Variants in MSANTD1 observed in about 807,000 individuals in gnomAD.
The protein encoded by MSANTD1 is myb/SANT-like DNA-binding domain-containing protein 1.
Under a neutral mutation model 24.2 loss-of-function variants are expected in MSANTD1, and 7 were observed. That is an observed-to-expected ratio of 0.29 (90% CI 0.16 to 0.54). MSANTD1 has a LOEUF of 0.54. Among genes scored for constraint, MSANTD1 ranks in the 20% least tolerant of loss-of-function variants. The probability of loss-of-function intolerance (pLI) is 0.94; values close to 1 mark genes in which losing one functional copy is unlikely to be tolerated. For missense variants in MSANTD1, 384 were observed against 408.2 expected (o/e 0.94, Z 0.51); for synonymous variants, 177 against 181.1 (o/e 0.98, Z 0.18).
rs201859616 is a variant in MSANTD1 at position 3,253,399 on chromosome 4, C to T, written c.513C>T (p.Phe171=). ...SPPAKSTPLY[F]PYNQCSYEGR... ...CCGCTAAGTCCACCCCTCTGTACTT[C>T]CCGTATAACCAGTGCTCCTACGAAG... The change falls in exon 2 of 3, where the codon TTC becomes TTT. Residue 171 remains phenylalanine, a synonymous_variant. Transcript: ENST00000438480. 1 of 1,604,882 alleles carries T rather than the reference C, an allele frequency of 6.2e-7. No homozygotes were observed.
upstream of MSANTD1, chr4:3,247,833 C>A (rs1474233516): frequency 6.6e-6 from 1 of 152,252 alleles, no homozygotes. Flanking sequence ...GGCTGGGCAC[C>A]CCCGCCATGC....
intron 1 of MSANTD1, among the ~76,000 whole-genome samples, chr4:3,251,456 A>G (rs3095075): frequency 0.48 from 73,073 of 151,968 alleles, 18,079 homozygotes; most frequent in African/African-American, 0.58. Context: ...CAAGGGCTGC[A>G]CCGGTGCACT....
intron 2 of MSANTD1, among the ~76,000 whole-genome samples, chr4:3,253,718 G>T (rs1297234776): frequency 6.6e-6 from 1 of 152,216 alleles, no homozygotes; most frequent in Non-Finnish European, 1.5e-5. Context: ...AAAGTTCCTT[G>T]ACTTCTCTGG....
In MSANTD1 at chr4:3,255,975, C is replaced by T. The variant is rs1038283323; in HGVS notation, c.*10C>T. On this transcript the variant is annotated 3_prime_UTR_variant, in exon 3 of 3. Coordinates refer to ENST00000438480, the MANE Select transcript of MSANTD1 (RefSeq NM_001042690.2). ...CAAGTCCAGCGTCTAGGCCAGCAGG[C>T]GGCGGCGGCGGCGGGGCCGGGCGGC... 20 of 1,409,746 alleles carry T rather than the reference C, an allele frequency of 1.4e-5. No homozygotes were observed. The highest frequency in any genetic ancestry group is 9.0e-5 in the South Asian group (6 of 66,422). The allele number at this position is 1,409,746 out of a possible 1,614,324, so 87.3% of individuals were successfully genotyped here.
chr4:3,249,330 G>A lies in MSANTD1; in HGVS notation c.108G>A (p.Gln36=). Residue 36 remains glutamine (Q), a synonymous_variant, in exon 1 of 3, where the codon CAG becomes CAA. Coordinates refer to ENST00000438480, the MANE Select transcript of MSANTD1 (RefSeq NM_001042690.2). ...AEGPGYLVSP[Q]AEKHRRARNW... ...GGCCCGGCTACCTCGTGTCTCCCCA[G>A]GCGGAGAAGCACCGGCGGGCCCGCA... The A allele has an allele frequency of 1.9e-6, 3 of 1,552,540 alleles. No individual in the cohort carries two copies. The highest frequency in any genetic ancestry group is 2.6e-6 in the Non-Finnish European group (3 of 1,147,268).
chr4:3,252,754 AAC>A (rs1265931034), intron 1 of MSANTD1, among the ~76,000 whole-genome samples: 3 of 152,266 alleles, frequency 2.0e-5, no homozygotes, highest in African/African-American at 7.2e-5. Context: ...TCTCCCGAAC[AAC>A]ACAGTTATTA....
upstream of MSANTD1, among the ~76,000 whole-genome samples, chr4:3,245,863 G>A (rs1354622156): frequency 6.6e-6 from 1 of 152,210 alleles, no homozygotes; most frequent in African/African-American, 2.4e-5. Context: ...CTGGTCGGGG[G>A]TGTCTGGGCC....
At chr4:3,253,184 G>A in intron 1 of MSANTD1, 23 bp from the exon 2 acceptor site, 1 of 1,523,434 alleles carries the variant, frequency 6.6e-7, no homozygotes, top group South Asian at 1.3e-5. Flanking sequence ...TCTCACCCTT[G>A]GCTCTTGTGT....
upstream of MSANTD1, among the ~76,000 whole-genome samples, chr4:3,246,123 C>T (rs1362774530): frequency 3.3e-5 from 5 of 152,218 alleles, no homozygotes; most frequent in African/African-American, 9.6e-5. Flanking sequence ...ACATCCTTCC[C>T]CTCCTGGCCC....
rs148705514 is a variant in MSANTD1 at position 3,256,292 on chromosome 4, G to A, written c.*327G>A. The A allele has an allele frequency of 7.3e-4, 151 of 206,960 alleles. No individual in the cohort carries two copies. Among genetic ancestry groups the A allele is most frequent in the Middle Eastern group, 3.4e-3 (2 of 594 alleles). 12.8% of individuals were successfully genotyped at this position (206,960 alleles called of 1,614,324 possible). ...ACTTGACGTGGCTTTGATATTAAAC[G>A]TATACTTTTTCATTCTTGCCTGGAA... On this transcript the variant is annotated 3_prime_UTR_variant, in exon 3 of 3. Coordinates refer to ENST00000438480, the MANE Select transcript of MSANTD1 (RefSeq NM_001042690.2).
At chr4:3,249,891 A>C (rs1409322679) in intron 1 of MSANTD1, among the ~76,000 whole-genome samples, 1 of 152,110 alleles carries the variant, frequency 6.6e-6, no homozygotes, top group African/African-American at 2.4e-5. Context: ...AGCAACACTC[A>C]TGGTGGTGCC....
chr4:3,249,640 T>A (rs929559303), intron 1 of MSANTD1, 98 bp downstream of exon 1: 3 of 1,238,922 alleles, frequency 2.4e-6, no homozygotes, highest in Non-Finnish European at 3.4e-6. Flanking sequence ...GGACGATGTG[T>A]GGGTCGTGGC....
chr4:3,255,859 T>C lies in MSANTD1; in HGVS notation c.731T>C (p.Val244Ala), dbSNP rs1232876493. Residue 244 changes from valine (V) to alanine (A), a missense_variant, in exon 3 of 3, where the codon GTG (valine) becomes GCG (alanine). Coordinates refer to ENST00000438480, the MANE Select transcript of MSANTD1 (RefSeq NM_001042690.2). ...GCCGTGGAGGAGACCTGCCGCGAGGTGCGCCGCGTGCTGGACCAGCAGCAC... is the reference window on the plus strand; with the variant it reads ...GCCGTGGAGGAGACCTGCCGCGAGGCGCGCCGCGTGCTGGACCAGCAGCAC... The part of the protein sequence containing the change: ...SRAVEETCRE[V>A]RRVLDQQHIL... 1.3e-6 allele frequency: 2 copies of C among 1,545,134 alleles called. No homozygotes were observed. The highest frequency in any genetic ancestry group is 2.4e-5 in the East Asian group (1 of 40,914).
At chr4:3,248,110 C>T (rs1301393185), upstream of MSANTD1, 2 of 152,314 alleles carry the variant, frequency 1.3e-5, no homozygotes, top group Non-Finnish European at 2.9e-5. Flanking sequence ...GTGGGCTCCA[C>T]AGAGCCCTGC....
chr4:3,249,319 G>T lies in MSANTD1; in HGVS notation c.97G>T (p.Val33Leu), dbSNP rs202032806. Residue 33 changes from valine (V) to leucine (L), a missense_variant, in exon 1 of 3, where the codon GTG becomes TTG. Coordinates refer to ENST00000438480, the MANE Select transcript of MSANTD1 (RefSeq NM_001042690.2). The stretch of plus-strand genomic sequence containing the variant: ...GGCGGCCGAGGGGCCCGGCTACCTC[G>T]TGTCTCCCCAGGCGGAGAAGCACCG... ...MAAAEGPGYL[V>L]SPQAEKHRRA... The T allele has an allele frequency of 1.3e-6, 2 of 1,544,530 alleles. No homozygotes were observed. Among genetic ancestry groups the T allele is most frequent in the South Asian group, 2.4e-5 (2 of 84,070 alleles).
rs1423381303 is a variant in MSANTD1 at position 3,249,251 on chromosome 4, C to T, written c.29C>T (p.Ser10Leu). 8.2e-6 allele frequency: 12 copies of T among 1,455,586 alleles called. No homozygotes were observed. The highest frequency in any genetic ancestry group is 5.0e-5 in the East Asian group (2 of 39,646). 90.2% of individuals were successfully genotyped at this position (1,455,586 alleles called of 1,614,324 possible). A position where few individuals can be genotyped will look rare whatever the true frequency, so the allele number is the denominator to read the frequency against. MVRGAGPGP[S>L]LSALSHPTGA... ...GTGCGTGGGGCCGGGCCGGGGCCCT[C>T]GCTGAGCGCGCTCTCTCACCCCACA... Residue 10 changes from serine to leucine, a missense_variant, in exon 1 of 3, where the codon TCG (serine) becomes TTG (leucine). Coordinates refer to ENST00000438480, the MANE Select transcript of MSANTD1 (RefSeq NM_001042690.2).
intron 2 of MSANTD1, 31 bp downstream of exon 2, chr4:3,253,513 TG>T: frequency 6.8e-7 from 1 of 1,472,628 alleles, no homozygotes; most frequent in Non-Finnish European, 9.0e-7. Flanking sequence ...TCCCCTGCCC[TG>T]GGGTATCTCA....
Position 3,249,501 on chromosome 4 carries a change from G to A in MSANTD1, c.279G>A (p.Glu93=), listed in dbSNP as rs758779172. Reference sequence around the variant, plus strand: ...TGACCGGCGAGCGCAGGCTGGGCGAGGAGATCAAGATCAAGATCACCAACA... The same window carrying A: ...TGACCGGCGAGCGCAGGCTGGGCGAAGAGATCAAGATCAAGATCACCAACA... The part of the protein sequence containing the change: ...FEMTGERRLG[E]EIKIKITNMT... The change falls in exon 1 of 3, where the codon GAG becomes GAA. Residue 93 remains glutamate (E), a synonymous_variant. Transcript: ENST00000438480. The A allele has an allele frequency of 1.2e-6, 2 of 1,611,982 alleles. No individual in the cohort carries two copies. The highest frequency in any genetic ancestry group is 1.7e-5 in the Admixed American group (1 of 59,978).
upstream of MSANTD1, chr4:3,246,752 T>G (rs1722042149): frequency 1.5e-6 from 1 of 651,740 alleles, no homozygotes; most frequent in Non-Finnish European, 2.8e-6. Flanking sequence ...TGCCATCTGC[T>G]GCCTGCCTGG....
Sources: gnomAD v4.1 joint callset for allele counts (sites outside exome capture counted in the v4.1 genomes callset) on GRCh38, gnomAD v4.1.1 for gene constraint, MANE v1.5 for transcripts, NCBI Gene and HGNC (gene_info 2026-07-23, HGNC 2026-07-21) for gene names.